LRRC53: variants seen among roughly 807,000 people sequenced by gnomAD.
The protein encoded by LRRC53 is leucine-rich repeat-containing protein 53.
In LRRC53, 25 loss-of-function variants were observed where a neutral mutation model predicts 13.6. The ratio of observed to expected loss-of-function variants is 1.83; its 90% CI spans 1.34 to 2.56. LRRC53 has a LOEUF of 2.56. Among genes scored for constraint, LRRC53 ranks in the 30% most tolerant of loss-of-function variants. The pLI is 0.00. For missense variants in LRRC53, 527 were observed against 275.8 expected (o/e 1.91, Z -6.45); for synonymous variants, 204 against 109.8 (o/e 1.86, Z -5.37).
the LRRC53 span, among the ~76,000 whole-genome samples, chr1:74,519,488 C>T: frequency 8.0e-6 from 1 of 125,424 alleles, no homozygotes; most frequent in Non-Finnish European, 1.5e-5. Flanking sequence ...AACTAGTTTA[C>T]AGTCCCACCA....
rs1667902251 is a variant in LRRC53 at position 74,471,043 on chromosome 1, T to C, written c.2579A>G (p.Glu860Gly). The change falls in exon 5 of 5, where the codon GAG becomes GGG. Residue 860 changes from glutamate (E) to glycine (G), a missense_variant. Glu to Gly is a moderately conservative substitution (Grantham distance 98). Transcript: ENST00000294635. ...AAGCTGAGTTGCATCTTCCATTTGC[T>C]CAGTTGAGAATTGAGAATGTGAGTG... Reference protein sequence around the residue: ...HRHSHSQFSTEQMEDATQLES... With the variant: ...HRHSHSQFSTGQMEDATQLES... 1 of 400,698 alleles carries C rather than the reference T, an allele frequency of 2.5e-6. No homozygotes were observed. The highest frequency in any genetic ancestry group is 4.4e-6 in the Non-Finnish European group (1 of 226,182). The allele number at this position is 400,698 out of a possible 1,614,324, so 24.8% of individuals were successfully genotyped here.
intron 3 of LRRC53, among the ~76,000 whole-genome samples, chr1:74,479,797 G>A (rs1412540852): frequency 2.6e-5 from 4 of 152,190 alleles, no homozygotes; most frequent in Non-Finnish European, 4.4e-5. Flanking sequence ...AAATGCACTA[G>A]TACTCTTTGG....
At chr1:74,520,808 G>T in the LRRC53 span, among the ~76,000 whole-genome samples, 1 of 152,270 alleles carries the variant, frequency 6.6e-6, no homozygotes, top group Non-Finnish European at 1.5e-5. Flanking sequence ...TGCAGCTGGG[G>T]TGGGTGTAAC....
chr1:74,532,668 C>G, the LRRC53 span, among the ~76,000 whole-genome samples: 1 of 151,352 alleles, frequency 6.6e-6, no homozygotes, highest in African/African-American at 2.4e-5. Context: ...ATGTTCCCCT[C>G]CCTGTGTCCA....
Position 74,475,116 on chromosome 1 carries a change from C to CCCCA in LRRC53, c.1420+178_1420+179insTGGG, listed in dbSNP as rs371437916. On this transcript the variant is annotated intron_variant, in intron 4 of 4. Transcript: ENST00000294635. Reference sequence around the variant, plus strand: ...AAGAACACTTCATCTCCACCTCAGCCCACACACACACACACACACACACAC... The same window carrying CCCCA: ...AAGAACACTTCATCTCCACCTCAGCCCCCACACACACACACACACACACACACAC... Among the ~76,000 whole-genome samples the CCCCA allele has an allele frequency of 1.0e-4, 14 of 135,994 alleles. No homozygotes were observed. The South Asian group carries it at 1.3e-3, about 13-fold the overall frequency. 89.2% of individuals were successfully genotyped at this position (135,994 alleles called of 152,430 possible). A position where few individuals can be genotyped will look rare whatever the true frequency, so the allele number is the denominator to read the frequency against.
At chr1:74,501,597 C>T (rs1389700758) in intron 1 of LRRC53, among the ~76,000 whole-genome samples, 1 of 152,140 alleles carries the variant, frequency 6.6e-6, no homozygotes, top group Non-Finnish European at 1.5e-5. Context: ...TGCCATTCTC[C>T]TGCCTCAGCC....
Position 74,480,706 on chromosome 1 carries a change from A to C in LRRC53, c.351T>G (p.Asn117Lys). ...HSLQVLVLSN[N>K]ALRTLRGSWF... The stretch of plus-strand genomic sequence containing the variant: ...AAGACCCTCGTAGGGTGCGGAGAGC[A>C]TTATTGCTCAGCACCAGTACCTGCA... Residue 117 changes from asparagine to lysine, a missense_variant, in exon 3 of 5, where the codon AAT (asparagine) becomes AAG (lysine). Coordinates refer to ENST00000294635, the MANE Select transcript of LRRC53 (RefSeq NM_001382280.1). 1.4e-6 allele frequency: 1 copy of C among 717,422 alleles called. No individual in the cohort carries two copies. The highest frequency in any genetic ancestry group is 2.6e-6 in the Non-Finnish European group (1 of 385,084). 44.4% of individuals were successfully genotyped at this position (717,422 alleles called of 1,614,324 possible).
intron 1 of LRRC53, among the ~76,000 whole-genome samples, chr1:74,493,797 A>T (rs1176375437): frequency 6.6e-6 from 1 of 152,186 alleles, no homozygotes; most frequent in Non-Finnish European, 1.5e-5. Context: ...ACAAGCCCAA[A>T]TTTACATGCA....
Position 74,471,267 on chromosome 1 carries a change from CT to C in LRRC53, c.2354del (p.Lys785ArgfsTer5). On this transcript the variant is annotated frameshift_variant, in exon 5 of 5. Coordinates refer to ENST00000294635, the MANE Select transcript of LRRC53 (RefSeq NM_001382280.1). LOFTEE classifies it low-confidence loss of function (END_TRUNC). ...TTGAGTCATGTTTCAGAGGCAGCCT[CT>C]TTGAAGTGAGTCTAACATAGTTGCT... ...ESSNYVRLTS[K>X]RLPLKHDSKQ... is the part of the protein sequence containing the mutation. 5.0e-6 allele frequency: 2 copies of C among 400,706 alleles called. No individual in the cohort carries two copies. The highest frequency in any genetic ancestry group is 8.8e-6 in the Non-Finnish European group (2 of 226,196). The allele number at this position is 400,706 out of a possible 1,614,324, so 24.8% of individuals were successfully genotyped here. A position where few individuals can be genotyped will look rare whatever the true frequency, so the allele number is the denominator to read the frequency against.
At chr1:74,482,218 AC>A (rs1668541000) in intron 2 of LRRC53, among the ~76,000 whole-genome samples, 1 of 152,246 alleles carries the variant, frequency 6.6e-6, no homozygotes, top group African/African-American at 2.4e-5. Flanking sequence ...TCTGTCAATT[AC>A]TTCTTGTCTA....
At chr1:74,528,978 A>G in the LRRC53 span, among the ~76,000 whole-genome samples, 1 of 152,196 alleles carries the variant, frequency 6.6e-6, no homozygotes, top group Non-Finnish European at 1.5e-5. Context: ...GACATAACAA[A>G]GGAATACATT....
chr1:74,479,764 T>C (rs921443932), intron 3 of LRRC53, among the ~76,000 whole-genome samples: 5 of 152,244 alleles, frequency 3.3e-5, no homozygotes, highest in African/African-American at 1.2e-4. Flanking sequence ...AGTTTTTAAA[T>C]ATCTATCTCC....
chr1:74,477,792 A>C (rs918272727), intron 3 of LRRC53, among the ~76,000 whole-genome samples: 1 of 152,226 alleles, frequency 6.6e-6, no homozygotes, highest in Non-Finnish European at 1.5e-5. Context: ...TGTGCTATTA[A>C]GAAGACGTTT....
At position 74,470,580 on chromosome 1, in the gene LRRC53, G is replaced by T; in HGVS notation, c.3042C>A (p.Ser1014=). The change falls in exon 5 of 5, where the codon TCC becomes TCA. Residue 1014 remains serine (S), a synonymous_variant. Coordinates refer to ENST00000294635, the MANE Select transcript of LRRC53 (RefSeq NM_001382280.1). ...YDSSLIPQTQ[S]KNNLSFMKTN... ...TCTTCATAAATGATAGGTTGTTCTT[G>T]GATTGTGTTTGGGGAATGAGAGAGG... 1 of 400,560 alleles carries T rather than the reference G, an allele frequency of 2.5e-6. No individual in the cohort carries two copies. The highest frequency in any genetic ancestry group is 3.6e-5 in the East Asian group (1 of 28,056). The allele number at this position is 400,560 out of a possible 1,614,324, so 24.8% of individuals were successfully genotyped here.
chr1:74,522,646 G>A, the LRRC53 span, among the ~76,000 whole-genome samples: 1 of 151,208 alleles, frequency 6.6e-6, no homozygotes, highest in East Asian at 1.9e-4. Flanking sequence ...ATGTGTGTGT[G>A]TGTGTGAGAG....
At chr1:74,534,182 T>C in the LRRC53 span, among the ~76,000 whole-genome samples, 1 of 150,628 alleles carries the variant, frequency 6.6e-6, no homozygotes, top group Admixed American at 6.7e-5. Flanking sequence ...TCTGGGTCTC[T>C]TTATTTAAAA....
upstream of LRRC53, among the ~76,000 whole-genome samples, chr1:74,513,267 C>T (rs575970530): frequency 1.3e-5 from 2 of 152,218 alleles, no homozygotes; most frequent in South Asian, 4.1e-4. Flanking sequence ...GAAATTATAC[C>T]GGGATGTGGA....
chr1:74,472,593 A>G (rs941308410), intron 4 of LRRC53, among the ~76,000 whole-genome samples: 2 of 152,134 alleles, frequency 1.3e-5, no homozygotes, highest in African/African-American at 4.8e-5. Flanking sequence ...TGGGCAGAAC[A>G]TGGGTGCAAT....
chr1:74,491,976 T>C (rs552578177), intron 1 of LRRC53: 1 of 1,341,548 alleles, frequency 7.5e-7, no homozygotes, highest in African/African-American at 1.4e-5. Context: ...AGGAGCAAGC[T>C]GAGTGAATAG....
Sources: gnomAD v4.1 joint callset for allele counts (sites outside exome capture counted in the v4.1 genomes callset) on GRCh38, gnomAD v4.1.1 for gene constraint, MANE v1.5 for transcripts, NCBI Gene and HGNC (gene_info 2026-07-23, HGNC 2026-07-21) for gene names.